ADGRL2: variants seen among roughly 807,000 people sequenced by gnomAD.
The protein encoded by ADGRL2 is calcium-independent alpha-latrotoxin receptor 2.
A neutral mutation model predicts 157.4 loss-of-function variants in ADGRL2; 44 were observed. The observed-to-expected ratio is 0.28, with a 90% confidence interval of 0.22 to 0.36. The LOEUF is 0.36. Among genes scored for constraint, ADGRL2 ranks in the 10% least tolerant of loss-of-function variants. The pLI is 1.00. For synonymous variants in ADGRL2, 585 were observed against 624.7 expected (o/e 0.94, Z 0.95); for missense variants, 1,510 against 1,768.9 (o/e 0.85, Z 2.63).
chr1:81,583,018 A>G (rs1033202844), intron 3 of ADGRL2, among the ~76,000 whole-genome samples: 1 of 152,196 alleles, frequency 6.6e-6, no homozygotes, highest in African/African-American at 2.4e-5. Flanking sequence ...CCCATGTGTC[A>G]TGGGTTAGAG....
intron 2 of ADGRL2, among the ~76,000 whole-genome samples, chr1:81,524,661 T>A (rs181991139): frequency 1.0e-3 from 154 of 152,348 alleles, no homozygotes; most frequent in African/African-American, 3.3e-3. Flanking sequence ...AAACATTTTT[T>A]AATTTATATT....
rs1177237629 is a variant in ADGRL2 at position 81,991,885 on chromosome 1, T to C, written c.*740T>C. ...TGTGAAAAGCTCTTGGTTGCACATG[T>C]TATGAAATGTTTTTTCTTACACTTT... On this transcript the variant is annotated 3_prime_UTR_variant, in exon 24 of 24. Coordinates refer to ENST00000686636, the MANE Select transcript of ADGRL2 (RefSeq NM_001366006.2). 6.6e-6 allele frequency: 1 copy of C among 152,646 alleles called. No homozygotes were observed. Among genetic ancestry groups the C allele is most frequent in the Non-Finnish European group, 1.5e-5 (1 of 68,040 alleles). The allele number at this position is 152,646 out of a possible 1,614,324, so 9.5% of individuals were successfully genotyped here.
chr1:81,874,656 T>C (rs968247589), intron 2 of ADGRL2, among the ~76,000 whole-genome samples: 1 of 151,726 alleles, frequency 6.6e-6, no homozygotes, highest in Non-Finnish European at 1.5e-5. Context: ...TGTCCTGTCC[T>C]GTCCTGTCCT....
rs2078869077 is a variant in ADGRL2 at position 81,502,239 on chromosome 1, C to A, written c.-248+57150C>A. On this transcript the variant is annotated intron_variant, in intron 2 of 24. Transcript: ENST00000370721. ...GGGCTCCCACCACATGGACAACAAG[C>A]TAAAGAAGACCATACCAAAGATGCT... The A allele has an allele frequency of 5.6e-6, 9 of 1,611,010 alleles. No homozygotes were observed. In the East Asian group the frequency reaches 1.8e-4, roughly 32 times the overall value.
At chr1:81,395,450 T>C (rs992125712) in intron 1 of ADGRL2, among the ~76,000 whole-genome samples, 2 of 152,250 alleles carry the variant, frequency 1.3e-5, no homozygotes, top group East Asian at 3.8e-4. Flanking sequence ...TAGTAATAGT[T>C]TGTCAGATGA....
chr1:81,747,975 G>A (rs1024769272), intron 1 of ADGRL2, among the ~76,000 whole-genome samples: 10 of 152,196 alleles, frequency 6.6e-5, no homozygotes, highest in African/African-American at 2.4e-4. Flanking sequence ...TTTAAGCCAG[G>A]TTTTAAAATT....
intron 2 of ADGRL2, among the ~76,000 whole-genome samples, chr1:81,576,871 G>A (rs868485628): frequency 6.6e-6 from 1 of 152,016 alleles, no homozygotes; most frequent in East Asian, 1.9e-4. Flanking sequence ...TTAACTTCCA[G>A]TACTTTCTCA....
At chr1:81,906,623 A>C (rs907046745) in intron 2 of ADGRL2, among the ~76,000 whole-genome samples, 9 of 151,914 alleles carry the variant, frequency 5.9e-5, no homozygotes, top group Admixed American at 3.3e-4. Flanking sequence ...AAGTAAGGCC[A>C]GTGGGTGTAG....
intron 3 of ADGRL2, among the ~76,000 whole-genome samples, chr1:81,615,175 G>A (rs1319841422): frequency 6.6e-6 from 1 of 152,156 alleles, no homozygotes; most frequent in Non-Finnish European, 1.5e-5. Flanking sequence ...CTAAAGGATT[G>A]TAAATGCACC....
intron 1 of ADGRL2, among the ~76,000 whole-genome samples, chr1:81,753,730 T>C (rs2085567063): frequency 6.6e-6 from 1 of 152,224 alleles, no homozygotes; most frequent in African/African-American, 2.4e-5. Flanking sequence ...TGAAGTGGAA[T>C]AAACAAATAT....
At chr1:81,441,870 C>A (rs1452323757) in intron 1 of ADGRL2, among the ~76,000 whole-genome samples, 1 of 152,152 alleles carries the variant, frequency 6.6e-6, no homozygotes, top group Non-Finnish European at 1.5e-5. Flanking sequence ...GACAGGGTCT[C>A]ACTGTGCTGC....
chr1:81,414,416 G>T (rs915821306), intron 1 of ADGRL2: 1 of 152,236 alleles, frequency 6.6e-6, no homozygotes, highest in Non-Finnish European at 1.5e-5. Flanking sequence ...TTTAAAAACT[G>T]ATTTAAATTC....
chr1:81,667,708 A>G (rs1056545624), intron 3 of ADGRL2, among the ~76,000 whole-genome samples: 6 of 152,318 alleles, frequency 3.9e-5, no homozygotes, highest in African/African-American at 1.4e-4. Context: ...AAAGAAATAA[A>G]GTAAGCAAGA....
chr1:81,341,795 A>G (rs1662094002), intron 1 of ADGRL2, among the ~76,000 whole-genome samples: 1 of 152,194 alleles, frequency 6.6e-6, no homozygotes, highest in Admixed American at 6.5e-5. Context: ...CATCAACACT[A>G]ATGAAGAATT....
chr1:81,610,109 G>A (rs1490173985), intron 3 of ADGRL2, among the ~76,000 whole-genome samples: 2 of 152,080 alleles, frequency 1.3e-5, no homozygotes, highest in East Asian at 1.9e-4. Context: ...GTTGCACCAG[G>A]GGTGCAATGT....
intron 1 of ADGRL2, among the ~76,000 whole-genome samples, chr1:81,749,532 C>T (rs986537975): frequency 1.3e-5 from 2 of 152,072 alleles, no homozygotes; most frequent in African/African-American, 4.8e-5. Flanking sequence ...TAAGCTCCAT[C>T]AGGACAGGAA....
intron 2 of ADGRL2, among the ~76,000 whole-genome samples, chr1:81,463,468 T>C (rs1251795757): frequency 6.6e-6 from 1 of 152,128 alleles, no homozygotes; most frequent in South Asian, 2.1e-4. Context: ...AGATGACAGT[T>C]CCCCAAATTG....
At chr1:81,477,963 G>A (rs369690202) in intron 2 of ADGRL2, among the ~76,000 whole-genome samples, 2 of 152,052 alleles carry the variant, frequency 1.3e-5, no homozygotes, top group East Asian at 3.8e-4. Context: ...AAGTGTGAAC[G>A]GAACAAATGG....
Position 81,966,602 on chromosome 1 carries a change from A to C in ADGRL2, c.2342A>C (p.His781Pro), listed in dbSNP as rs534894740. 1.8e-5 allele frequency: 29 copies of C among 1,613,316 alleles called. No individual in the cohort carries two copies. The highest frequency in any genetic ancestry group is 2.1e-5 in the Non-Finnish European group (25 of 1,179,384). Reference sequence around the variant, plus strand: ...GATCCTGTGCTTTTTACCCTGCCACACATTGATGTAAGTTAATGTATGCTA... The same window carrying C: ...GATCCTGTGCTTTTTACCCTGCCACCCATTGATGTAAGTTAATGTATGCTA... ...LTDPVLFTLP[H>P]IDPDNYFNAN... The change falls in exon 13 of 24, where the codon CAC becomes CCC. Residue 781 changes from histidine to proline, a missense_variant. Around this residue, in one of 4 missense-constraint regions of ADGRL2, gnomAD observed 497 missense variants for 627.2 expected, o/e 0.79. Transcript: ENST00000686636.
Sources: gnomAD v4.1 joint callset for allele counts (sites outside exome capture counted in the v4.1 genomes callset) on GRCh38, gnomAD v4.1.1 for gene constraint, gnomAD v4.1.1 regional missense constraint, MANE v1.5 for transcripts, NCBI Gene and HGNC (gene_info 2026-07-23, HGNC 2026-07-21) for gene names.